Variants in RIMS2 observed in about 807,000 individuals in gnomAD.
The protein encoded by RIMS2 is regulating synaptic membrane exocytosis protein 2.
A neutral mutation model predicts 174.4 loss-of-function variants in RIMS2; 59 were observed. The observed-to-expected ratio is 0.34, with a 90% CI of 0.27 to 0.42. The LOEUF (loss-of-function observed/expected upper bound fraction) is 0.42. Among genes scored for constraint, RIMS2 ranks in the 10% least tolerant of loss-of-function variants. The pLI is 1.00. For synonymous variants in RIMS2, 606 were observed against 572.5 expected (o/e 1.06, Z -0.84); for missense variants, 1,620 against 1,666.3 (o/e 0.97, Z 0.48).
intron 1 of RIMS2, among the ~76,000 whole-genome samples, chr8:103,525,133 A>G (rs1402763358): frequency 6.6e-6 from 1 of 152,228 alleles, no homozygotes; most frequent in Admixed American, 6.5e-5. Flanking sequence ...TCATAATAAG[A>G]AGAAAGAAGC....
chr8:104,134,394 G>A (rs2098501161), intron 19 of RIMS2, among the ~76,000 whole-genome samples: 1 of 152,182 alleles, frequency 6.6e-6, no homozygotes, highest in Non-Finnish European at 1.5e-5. Flanking sequence ...GAACCCGGGA[G>A]GCGGAGCTTG....
intron 1 of RIMS2, among the ~76,000 whole-genome samples, chr8:103,578,557 CAACA>C (rs911007705): frequency 6.7e-6 from 1 of 149,802 alleles, no homozygotes; most frequent in Non-Finnish European, 1.5e-5. Flanking sequence ...CAAAACAAAA[CAACA>C]ACAACAACAA....
At chr8:104,034,804 T>C (rs1310962444) in intron 19 of RIMS2, among the ~76,000 whole-genome samples, 2 of 152,094 alleles carry the variant, frequency 1.3e-5, no homozygotes, top group Non-Finnish European at 2.9e-5. Context: ...TTGACATCAG[T>C]ATAGATAAAG....
Position 104,119,742 on chromosome 8 carries a change from C to T in RIMS2, c.3334+105127C>T, listed in dbSNP as rs180880521. 3.7e-3 allele frequency among the ~76,000 whole-genome samples: 568 copies of T among 152,280 alleles called. 3 individuals carry two copies. The highest frequency in any genetic ancestry group is 0.017 in the East Asian group (87 of 5,178). ...TATGAATCAAGTACTACCAGGCTGACGCTCCGTGAGGGCCAATTTACTATT... is the reference window on the plus strand; with the variant it reads ...TATGAATCAAGTACTACCAGGCTGATGCTCCGTGAGGGCCAATTTACTATT... On this transcript the variant is annotated intron_variant, in intron 19 of 23. Coordinates refer to ENST00000504942, the Ensembl canonical transcript of RIMS2.
chr8:103,650,662 C>T (rs1325834543), intron 1 of RIMS2, among the ~76,000 whole-genome samples: 2 of 152,212 alleles, frequency 1.3e-5, no homozygotes, highest in Non-Finnish European at 2.9e-5. Flanking sequence ...GAATTGGGTT[C>T]CACTTAAAGA....
chr8:104,241,510 A>C (rs1036834493), intron 19 of RIMS2, among the ~76,000 whole-genome samples: 2 of 152,170 alleles, frequency 1.3e-5, no homozygotes, highest in Non-Finnish European at 2.9e-5. Context: ...CCTTAAATTA[A>C]AAACTTTAGA....
intron 19 of RIMS2, among the ~76,000 whole-genome samples, chr8:104,063,837 G>T (rs1011512854): frequency 6.6e-6 from 1 of 152,134 alleles, no homozygotes; most frequent in Non-Finnish European, 1.5e-5. Flanking sequence ...TTTGGGTTAT[G>T]AAATTGCTCT....
At chr8:103,704,156 T>C (rs548985756) in intron 2 of RIMS2, among the ~76,000 whole-genome samples, 24 of 149,676 alleles carry the variant, frequency 1.6e-4, no homozygotes, top group African/African-American at 5.9e-4. Context: ...CAGGCATGTT[T>C]CTTTTATATC....
Position 103,988,413 on chromosome 8 carries a change from C to T in RIMS2, c.2928-892C>T, listed in dbSNP as rs140720196. Among the ~76,000 whole-genome samples, 762 of 152,168 alleles carry T rather than the reference C, an allele frequency of 5.0e-3. 1 individual carries two copies. The highest frequency in any genetic ancestry group is 8.7e-3 in the Non-Finnish European group (592 of 67,998). On this transcript the variant is annotated intron_variant, in intron 16 of 23. Coordinates refer to ENST00000504942, the Ensembl canonical transcript of RIMS2. ...TTAATTGTGTTTTAAAGGGCTGTTG[C>T]GTGTCATCATGGATGAGGTAAGAAT...
intron 19 of RIMS2, among the ~76,000 whole-genome samples, chr8:104,083,102 A>G (rs2097456447): frequency 1.3e-5 from 2 of 152,186 alleles, no homozygotes; most frequent in South Asian, 4.1e-4. Flanking sequence ...GAACAGGAGT[A>G]GTGGGCCTCT....
intron 1 of RIMS2, among the ~76,000 whole-genome samples, chr8:103,509,192 T>C (rs975516670): frequency 9.2e-5 from 14 of 152,082 alleles, no homozygotes; most frequent in Admixed American, 4.6e-4. Context: ...AAAGTAAGAT[T>C]AGGGCTCTTG....
intron 19 of RIMS2, among the ~76,000 whole-genome samples, chr8:104,060,765 TTG>T (rs1294836453): frequency 6.6e-6 from 1 of 152,212 alleles, no homozygotes; most frequent in Admixed American, 6.5e-5. Context: ...TTGTGGTATG[TTG>T]TGTCTTTGTT....
intron 19 of RIMS2, among the ~76,000 whole-genome samples, chr8:104,179,622 G>T (rs922526479): frequency 1.3e-5 from 2 of 151,722 alleles, no homozygotes; most frequent in African/African-American, 4.8e-5. Context: ...AAGTTAAGTG[G>T]CTCAGCTAGG....
intron 3 of RIMS2, among the ~76,000 whole-genome samples, chr8:103,837,314 T>C (rs554778379): frequency 1.7e-4 from 26 of 152,380 alleles, no homozygotes; most frequent in African/African-American, 6.0e-4. Context: ...TTCGCAGTTA[T>C]GCACTGATGT....
chr8:104,196,476 A>G (rs1490989878), intron 19 of RIMS2, among the ~76,000 whole-genome samples: 1 of 152,128 alleles, frequency 6.6e-6, no homozygotes, highest in Non-Finnish European at 1.5e-5. Context: ...CTTTAATTAC[A>G]TATATCAATT....
intron 19 of RIMS2, among the ~76,000 whole-genome samples, chr8:104,017,413 G>A (rs1477627103): frequency 6.6e-6 from 1 of 151,844 alleles, no homozygotes; most frequent in African/African-American, 2.4e-5. Flanking sequence ...ATTTTAGTCT[G>A]TTATATATTT....
chr8:103,560,364 C>G (rs111672319), intron 1 of RIMS2, among the ~76,000 whole-genome samples: 1 of 151,720 alleles, frequency 6.6e-6, no homozygotes, highest in East Asian at 1.9e-4. Flanking sequence ...GTGACAAGAG[C>G]GAAACTCTGT....
intron 15 of RIMS2, among the ~76,000 whole-genome samples, chr8:103,966,633 CTATT>C (rs1446015291): frequency 3.9e-5 from 6 of 151,958 alleles, no homozygotes; most frequent in Non-Finnish European, 7.4e-5. Flanking sequence ...TCTAATTCTA[CTATT>C]TATTTTGTAA....
chr8:103,535,798 A>T (rs1343460877), intron 1 of RIMS2, among the ~76,000 whole-genome samples: 1 of 152,254 alleles, frequency 6.6e-6, no homozygotes, highest in Non-Finnish European at 1.5e-5. Flanking sequence ...AAATCACATA[A>T]GGAACAAAGT....
Sources: gnomAD v4.1 joint callset for allele counts (sites outside exome capture counted in the v4.1 genomes callset) on GRCh38, gnomAD v4.1.1 for gene constraint, MANE v1.5 for transcripts, NCBI Gene and HGNC (gene_info 2026-07-23, HGNC 2026-07-21) for gene names.